Variants in NF1 observed in about 807,000 individuals in gnomAD.
The protein encoded by NF1 is neurofibromin 1, also known as neurofibromin.
Under a neutral mutation model 325.7 loss-of-function variants are expected in NF1, and 122 were observed. The observed-to-expected ratio is 0.37, with a 90% CI of 0.32 to 0.44. NF1 has a LOEUF of 0.44. Ranked by LOEUF, NF1 falls within the 20% of genes least tolerant of loss-of-function variation. The probability of loss-of-function intolerance (pLI) is 1.00; values close to 1 mark genes in which losing one functional copy is unlikely to be tolerated. For synonymous variants in NF1, 1,091 were observed against 1,186.0 expected (o/e 0.92, Z 1.65); for missense variants, 2,140 against 3,415.4 (o/e 0.63, Z 9.31).
chr17:31,131,746 ATTGGTTTGTAATTTTCTTATATAGC>A (rs1915410625), intron 1 of NF1, among the ~76,000 whole-genome samples: 1 of 152,140 alleles, frequency 6.6e-6, no homozygotes, highest in South Asian at 2.1e-4. Context: ...TATGAGTAAG[ATTGGTTTGTAATTTTCTTATATAGC>A]TGTTGTCTGG....
At chr17:31,096,102 C>T (rs1241108519) in intron 1 of NF1, among the ~76,000 whole-genome samples, 1 of 150,560 alleles carries the variant, frequency 6.6e-6, no homozygotes, top group Non-Finnish European at 1.5e-5. Context: ...TCTGAAATAT[C>T]TTCCCCTTCC....
intron 38 of NF1, 133 bp downstream of exon 38, chr17:31,327,972 G>C (rs536944310): frequency 1.2e-6 from 1 of 835,986 alleles, no homozygotes; most frequent in African/African-American, 1.7e-5. Flanking sequence ...GTTAACCACT[G>C]TGACCTCATC....
At chr17:31,325,296 C>T (rs1182751501) in intron 36 of NF1, among the ~76,000 whole-genome samples, 2 of 152,164 alleles carry the variant, frequency 1.3e-5, no homozygotes, top group African/African-American at 4.8e-5. Flanking sequence ...CCTAGGGCTA[C>T]GTATTCCCTT....
intron 11 of NF1, among the ~76,000 whole-genome samples, chr17:31,204,907 G>A (rs1432301504): frequency 1.3e-5 from 2 of 152,088 alleles, no homozygotes; most frequent in Non-Finnish European, 2.9e-5. Context: ...AGTCAAAATT[G>A]CTGAGAGTTG....
chr17:31,136,594 A>G (rs1915802150), intron 1 of NF1: 1 of 152,214 alleles, frequency 6.6e-6, no homozygotes, highest in African/African-American at 2.4e-5. Flanking sequence ...CACACTGTGT[A>G]TGGTACCTGC....
At chr17:31,184,740 G>C (rs1388788504) in intron 8 of NF1, among the ~76,000 whole-genome samples, 2 of 152,052 alleles carry the variant, frequency 1.3e-5, no homozygotes, top group East Asian at 3.8e-4. Flanking sequence ...CAGATACTGA[G>C]CCTCAAATCT....
At chr17:31,318,616 A>ATGT in intron 36 of NF1, 1 of 1,614,020 alleles carries the variant, frequency 6.2e-7, no homozygotes, top group Non-Finnish European at 8.5e-7. Flanking sequence ...TAGCATAGCC[A>ATGT]TGTTGTTGTT....
intron 24 of NF1, among the ~76,000 whole-genome samples, chr17:31,231,648 A>C (rs1228801581): frequency 1.3e-5 from 2 of 152,230 alleles, no homozygotes; most frequent in Non-Finnish European, 2.9e-5. Flanking sequence ...TAAATGTTGT[A>C]TAAATATTTG....
intron 50 of NF1, among the ~76,000 whole-genome samples, chr17:31,351,809 A>G (rs1283169911): frequency 1.3e-5 from 2 of 152,034 alleles, no homozygotes; most frequent in South Asian, 2.1e-4. Context: ...CTTTGAATGC[A>G]GCCCAACACA....
rs1202038082 is a variant in NF1, at chr17:31,305,413, A to G, written c.4836-20407A>G. 5.0e-6 allele frequency: 8 copies of G among 1,614,080 alleles called. No individual in the cohort carries two copies. The highest frequency in any genetic ancestry group is 5.9e-6 in the Non-Finnish European group (7 of 1,180,034). ...GGCAGGTGATATTGATTGTCCAGAA[A>G]AAGTGTCGCTGAATTGTGTTGGTTG... On this transcript the variant is annotated intron_variant, in intron 36 of 57. Transcript: ENST00000358273.
At position 31,182,782 on chromosome 17, in the gene NF1, T is replaced by G. The variant is rs2066161823; in HGVS notation, c.888+117T>G. 4.0e-6 allele frequency: 4 copies of G among 1,012,072 alleles called. No homozygotes were observed. In the Admixed American group the frequency reaches 8.1e-5, roughly 21 times the overall value. 62.7% of individuals were successfully genotyped at this position (1,012,072 alleles called of 1,614,324 possible). A position where few individuals can be genotyped will look rare whatever the true frequency, so the allele number is the denominator to read the frequency against. On this transcript the variant is annotated intron_variant, in intron 8 of 57. Transcript: ENST00000358273. ...AAAGTATTTCAGGGAACCATTTAAA[T>G]GATCATTTTAGGTTTCTTTGTTTGA...
At position 31,266,736 on chromosome 17, in the gene NF1, GT is replaced by G. The variant is rs55920122; in HGVS notation, c.4835+1408del. 8.3e-3 allele frequency among the ~76,000 whole-genome samples: 1,210 copies of G among 145,048 alleles called. 18 individuals carry two copies. Among genetic ancestry groups the G allele is most frequent in the African/African-American group, 0.03 (1,142 of 38,594 alleles). On this transcript the variant is annotated intron_variant, in intron 36 of 57. Transcript: ENST00000358273. The stretch of plus-strand genomic sequence containing the variant: ...AAAGATTTCTGGAAAACAAAGCTGC[GT>G]TTTTTTTTTTCGGAATCAGAAACTG...
chr17:31,228,881 A>G (rs564196619), intron 20 of NF1, 144 bp from the exon 21 acceptor site: 216 of 641,492 alleles, frequency 3.4e-4, no homozygotes, highest in Admixed American at 9.5e-4. Context: ...AAAAATGTAT[A>G]TGGTAATTTT....
chr17:31,354,161 A>G (rs1307838010), intron 51 of NF1, among the ~76,000 whole-genome samples: 1 of 152,256 alleles, frequency 6.6e-6, no homozygotes, highest in Non-Finnish European at 1.5e-5. Flanking sequence ...TTTGTGTCCA[A>G]GACTTATAAT....
intron 1 of NF1, among the ~76,000 whole-genome samples, chr17:31,132,966 C>T (rs1203182208): frequency 6.6e-6 from 1 of 152,170 alleles, no homozygotes; most frequent in Non-Finnish European, 1.5e-5. Flanking sequence ...CGTGCCTGGC[C>T]TTAATCTTAT....
At chr17:31,110,004 G>A (rs1188399415) in intron 1 of NF1, among the ~76,000 whole-genome samples, 1 of 152,158 alleles carries the variant, frequency 6.6e-6, no homozygotes, top group Non-Finnish European at 1.5e-5. Context: ...AGTTTCTTTA[G>A]AAATGTCAGC....
intron 12 of NF1, among the ~76,000 whole-genome samples, chr17:31,211,548 T>C (rs893165036): frequency 1.3e-5 from 2 of 152,222 alleles, no homozygotes; most frequent in African/African-American, 4.8e-5. Flanking sequence ...GCAAACATCA[T>C]AGAGTCTGCT....
At chr17:31,359,201 G>C in intron 56 of NF1, 186 bp downstream of exon 56, 1 of 577,624 alleles carries the variant, frequency 1.7e-6, no homozygotes, top group Non-Finnish European at 3.1e-6. Flanking sequence ...TGGTGTTGGG[G>C]TGTGTGTATT....
intron 1 of NF1, among the ~76,000 whole-genome samples, chr17:31,131,061 A>G (rs1030490022): frequency 1.3e-5 from 2 of 151,798 alleles, no homozygotes; most frequent in African/African-American, 4.8e-5. Context: ...AGGTCACACC[A>G]CCCCCACCTT....
Sources: gnomAD v4.1 joint callset for allele counts (sites outside exome capture counted in the v4.1 genomes callset) on GRCh38, gnomAD v4.1.1 for gene constraint, MANE v1.5 for transcripts, NCBI Gene and HGNC (gene_info 2026-07-23, HGNC 2026-07-21) for gene names.